The following GLDC variants were observed in gnomAD, a reference collection of about 807,000 sequenced individuals.
GLDC encodes glycine dehydrogenase (decarboxylating), mitochondrial.
In GLDC, 104 loss-of-function variants were observed where a neutral mutation model predicts 121.3. That is an observed-to-expected ratio of 0.86 (90% CI 0.73 to 1.01). The LOEUF is 1.01. GLDC is among the 50% of genes least tolerant of loss of function. The probability of loss-of-function intolerance (pLI) is 0.00; values close to 1 mark genes in which losing one functional copy is unlikely to be tolerated. For missense variants in GLDC, 1,429 were observed against 1,306.6 expected, an observed-to-expected ratio of 1.09 and a Z score of -1.44; for synonymous variants, 546 against 480.6, an observed-to-expected ratio of 1.14 and a Z score of -1.78.
rs140123828 is a variant in GLDC, at chr9:6,612,621, T to C, written c.471-2265A>G. On this transcript the variant is annotated intron_variant, in intron 3 of 24. Transcript: ENST00000321612. ...CATGCCTGTAAGTAATCCCAGCACG[T>C]TGGGAGGCTGAGGAGGCGGATCACG... Among the ~76,000 whole-genome samples, 816 of 151,816 alleles carry C rather than the reference T, an allele frequency of 5.4e-3. 8 individuals carry two copies. Among genetic ancestry groups the C allele is most frequent in the African/African-American group, 0.019 (783 of 41,378 alleles).
chr9:6,642,057 C>T (rs1819640345), intron 2 of GLDC, among the ~76,000 whole-genome samples: 1 of 152,162 alleles, frequency 6.6e-6, no homozygotes. Context: ...TCATCCTTTG[C>T]AGATGCATCC....
intron 2 of GLDC, among the ~76,000 whole-genome samples, chr9:6,623,441 A>T (rs971169571): frequency 2.0e-5 from 3 of 148,192 alleles, no homozygotes; most frequent in Non-Finnish European, 4.5e-5. Flanking sequence ...AGTCATCACC[A>T]CTCCGTAATC....
chr9:6,554,392 T>A (rs948529322), intron 19 of GLDC, among the ~76,000 whole-genome samples: 13 of 152,192 alleles, frequency 8.5e-5, no homozygotes, highest in Non-Finnish European at 1.8e-4. Context: ...TCAGGTGAAG[T>A]TCCCTATTCA....
intron 21 of GLDC, chr9:6,540,420 GC>G: frequency 2.3e-6 from 1 of 443,058 alleles, no homozygotes. Flanking sequence ...CAGGTGGGGG[GC>G]ATTACTGAAC....
In GLDC at chr9:6,602,188, T is replaced by C. The variant is rs1432226462; in HGVS notation, c.1076A>G (p.Glu359Gly). 6.2e-7 allele frequency: 1 copy of C among 1,610,696 alleles called. No homozygotes were observed. The highest frequency in any genetic ancestry group is 1.1e-5 in the South Asian group (1 of 91,008). The change falls in exon 8 of 25, where the codon GAA becomes GGA. Residue 359 changes from glutamate to glycine, a missense_variant. Coordinates refer to ENST00000321612, the MANE Select transcript of GLDC (RefSeq NM_000170.3). Reference sequence around the variant, plus strand: ...GGTTTGAAGAGCAAGACGATACACTTCTTTCCCAGTGGCATCTCTACACCA... The same window carrying C: ...GGTTTGAAGAGCAAGACGATACACTCCTTTCCCAGTGGCATCTCTACACCA... ...VGVTRDATGK[E>G]VYRLALQTRE...
At chr9:6,557,041 T>C (rs1337227856) in intron 17 of GLDC, among the ~76,000 whole-genome samples, 1 of 152,170 alleles carries the variant, frequency 6.6e-6, no homozygotes, top group African/African-American at 2.4e-5. Flanking sequence ...TTGCCTTCTG[T>C]TGAAGTTAAA....
At chr9:6,547,502 C>G (rs1046135889) in intron 21 of GLDC, among the ~76,000 whole-genome samples, 2 of 152,162 alleles carry the variant, frequency 1.3e-5, no homozygotes, top group African/African-American at 4.8e-5. Flanking sequence ...GATGGCCACT[C>G]TCATATGTTA....
chr9:6,542,794 G>A (rs188480091), intron 21 of GLDC, among the ~76,000 whole-genome samples: 31 of 150,956 alleles, frequency 2.1e-4, no homozygotes, highest in Non-Finnish European at 3.7e-4. Context: ...GCTGAGGTGG[G>A]AGAATCATTT....
At chr9:6,582,384 G>GTGT (rs1563846641) in intron 15 of GLDC, among the ~76,000 whole-genome samples, 11 of 151,750 alleles carry the variant, frequency 7.2e-5, no homozygotes, top group African/African-American at 2.4e-4. Flanking sequence ...TGCCGGCCAC[G>GTGT]GGGGCAGGCA....
rs768923849 is a variant in GLDC, at chr9:6,558,589, C to G, written c.2022G>C (p.Gly674=). The change falls in exon 17 of 25, where the codon GGG becomes GGC. Residue 674 remains glycine (G), a synonymous_variant. Coordinates refer to ENST00000321612, the MANE Select transcript of GLDC (RefSeq NM_000170.3). ...KIQPVEVDKY[G]NIDAVHLKAM... is the part of the protein sequence containing the mutation. ...CCTTGAGGTGAACTGCATCGATATT[C>G]CCATATTTATCCACCTCCACAGGCT... 8 of 1,614,104 alleles carry G rather than the reference C, an allele frequency of 5.0e-6. No homozygotes were observed. Among genetic ancestry groups the G allele is most frequent in the Non-Finnish European group, 6.8e-6 (8 of 1,180,054 alleles).
intron 3 of GLDC, among the ~76,000 whole-genome samples, chr9:6,610,742 A>T (rs982250544): frequency 6.6e-6 from 1 of 152,198 alleles, no homozygotes; most frequent in Non-Finnish European, 1.5e-5. Flanking sequence ...TGGGACAACA[A>T]GCACATGCCA....
intron 15 of GLDC, among the ~76,000 whole-genome samples, chr9:6,567,969 GCAAT>G (rs1232902470): frequency 6.6e-6 from 1 of 152,128 alleles, no homozygotes; most frequent in Non-Finnish European, 1.5e-5. Context: ...TCCAGCACAG[GCAAT>G]CAATATGAAT....
At chr9:6,574,231 A>C (rs7862900) in intron 15 of GLDC, among the ~76,000 whole-genome samples, 10,287 of 152,126 alleles carry the variant, frequency 0.068, 1,115 homozygotes, top group African/African-American at 0.23. Context: ...TCAGGCCAGA[A>C]CTTCGGGAGG....
intron 24 of GLDC, 99 bp from the exon 25 acceptor site, chr9:6,533,259 T>A: frequency 2.1e-6 from 2 of 969,256 alleles, no homozygotes; most frequent in Non-Finnish European, 3.4e-6. Context: ...TAAGACACCA[T>A]CAGCCCAGCA....
chr9:6,628,009 A>G (rs964051078), intron 2 of GLDC, among the ~76,000 whole-genome samples: 3 of 152,166 alleles, frequency 2.0e-5, no homozygotes, highest in Non-Finnish European at 4.4e-5. Flanking sequence ...AGGAGAGAAG[A>G]CAGAAAAGTC....
At chr9:6,564,938 T>C (rs889804557) in intron 16 of GLDC, among the ~76,000 whole-genome samples, 6 of 152,244 alleles carry the variant, frequency 3.9e-5, no homozygotes, top group Non-Finnish European at 8.8e-5. Flanking sequence ...GAGCATACTA[T>C]GACCAGAACC....
chr9:6,636,861 A>C (rs1819513672), intron 2 of GLDC, among the ~76,000 whole-genome samples: 1 of 152,068 alleles, frequency 6.6e-6, no homozygotes, highest in Non-Finnish European at 1.5e-5. Context: ...AGGCGGGCAG[A>C]TCACTTGAGG....
At chr9:6,553,698 C>A (rs992832692) in intron 19 of GLDC, among the ~76,000 whole-genome samples, 189 bp from the exon 20 acceptor site, 3 of 152,054 alleles carry the variant, frequency 2.0e-5, no homozygotes, top group African/African-American at 7.2e-5. Flanking sequence ...TGGTGGAGGT[C>A]CACCAGCCAT....
intron 2 of GLDC, among the ~76,000 whole-genome samples, chr9:6,637,909 G>C (rs1456925144): frequency 6.7e-6 from 1 of 149,556 alleles, no homozygotes; most frequent in Non-Finnish European, 1.5e-5. Context: ...GGCTGGTCTT[G>C]AACTACTCGG....
Sources: allele counts gnomAD v4.1 joint callset (sites outside exome capture counted in the v4.1 genomes callset), GRCh38; gene constraint gnomAD v4.1.1; transcripts MANE v1.5; gene names NCBI Gene and HGNC (gene_info 2026-07-23, HGNC 2026-07-21).